The following DSCAM variants were observed in gnomAD, a reference collection of about 807,000 sequenced individuals.
DSCAM encodes the protein DS cell adhesion molecule, also known as cell adhesion molecule DSCAM.
In DSCAM, 47 loss-of-function variants were observed where a neutral mutation model predicts 217.7. The ratio of observed to expected loss-of-function variants is 0.22; its 90% CI spans 0.17 to 0.28. DSCAM has a LOEUF of 0.28. DSCAM is among the 10% of genes least tolerant of loss of function. The probability of loss-of-function intolerance (pLI) is 1.00; values close to 1 mark genes in which losing one functional copy is unlikely to be tolerated. For synonymous variants in DSCAM, 1,056 were observed against 1,015.3 expected (o/e 1.04, Z -0.76); for missense variants, 2,080 against 2,618.3 (o/e 0.79, Z 4.49).
At chr21:40,262,358 CAG>C (rs2146982159) in intron 11 of DSCAM, among the ~76,000 whole-genome samples, 1 of 150,872 alleles carries the variant, frequency 6.6e-6, no homozygotes, top group Admixed American at 6.6e-5. Context: ...AAAGCCTCTG[CAG>C]AGAGTCCTCA....
At chr21:40,250,448 T>C (rs1453260670) in intron 11 of DSCAM, among the ~76,000 whole-genome samples, 1 of 152,238 alleles carries the variant, frequency 6.6e-6, no homozygotes, top group Non-Finnish European at 1.5e-5. Context: ...TTTAGCTTGA[T>C]GCATCTTCTG....
intron 3 of DSCAM, among the ~76,000 whole-genome samples, chr21:40,423,595 C>A (rs2075445236): frequency 6.6e-6 from 1 of 152,162 alleles, no homozygotes; most frequent in South Asian, 2.1e-4. Flanking sequence ...GTGTACTTCC[C>A]TTTCTTTCCT....
chr21:40,090,048 C>T (rs1195417977), intron 21 of DSCAM, among the ~76,000 whole-genome samples: 1 of 152,136 alleles, frequency 6.6e-6, no homozygotes. Context: ...TTCTGGGCTT[C>T]CCTCCACTAT....
At chr21:40,217,029 C>G (rs560353173) in intron 11 of DSCAM, among the ~76,000 whole-genome samples, 55 of 152,340 alleles carry the variant, frequency 3.6e-4, no homozygotes, top group African/African-American at 1.3e-3. Flanking sequence ...ACAGATTTCT[C>G]TCCTCAAACT....
intron 11 of DSCAM, among the ~76,000 whole-genome samples, chr21:40,193,824 C>T (rs1235637131): frequency 1.3e-5 from 2 of 152,164 alleles, no homozygotes; most frequent in Non-Finnish European, 2.9e-5. Flanking sequence ...CCTCCCAAAT[C>T]CAGGGTAGTT....
intron 1 of DSCAM, among the ~76,000 whole-genome samples, chr21:40,743,875 G>A (rs2091149087): frequency 6.6e-6 from 1 of 152,104 alleles, no homozygotes; most frequent in Non-Finnish European, 1.5e-5. Context: ...TTATGAAGGA[G>A]AAACATGAGC....
At chr21:40,634,753 G>A (rs970166784) in intron 3 of DSCAM, among the ~76,000 whole-genome samples, 4 of 152,186 alleles carry the variant, frequency 2.6e-5, no homozygotes, top group Admixed American at 6.5e-5. Context: ...GCACAGGCAC[G>A]TGGTGATTTT....
At chr21:40,813,188 T>C (rs1016543664) in intron 1 of DSCAM, among the ~76,000 whole-genome samples, 3 of 152,166 alleles carry the variant, frequency 2.0e-5, no homozygotes, top group African/African-American at 4.8e-5. Context: ...ACGGCACAAA[T>C]GAAACACCAT....
chr21:40,067,863 C>T (rs578061145), intron 27 of DSCAM, among the ~76,000 whole-genome samples: 1 of 151,570 alleles, frequency 6.6e-6, no homozygotes, highest in African/African-American at 2.4e-5. Flanking sequence ...AAAGCAGATG[C>T]TGAGCAGCTC....
chr21:40,528,084 C>G (rs1272612425), intron 3 of DSCAM, among the ~76,000 whole-genome samples: 2 of 152,174 alleles, frequency 1.3e-5, no homozygotes, highest in Non-Finnish European at 1.5e-5. Context: ...TGCCCAAAAC[C>G]ATAGTATTTC....
chr21:40,050,723 C>T (rs1159432356), intron 30 of DSCAM, among the ~76,000 whole-genome samples: 3 of 152,120 alleles, frequency 2.0e-5, no homozygotes, highest in Admixed American at 6.5e-5. Flanking sequence ...CCTCGTGATC[C>T]GACCGCCTCG....
At chr21:40,025,964 A>G (rs1225439702) in intron 32 of DSCAM, among the ~76,000 whole-genome samples, 30 of 147,532 alleles carry the variant, frequency 2.0e-4, no homozygotes, top group African/African-American at 6.2e-4. Flanking sequence ...TTGTGATGTT[A>G]GGGTGTCAAT....
At chr21:40,026,526 T>C (rs1319292454) in intron 32 of DSCAM, among the ~76,000 whole-genome samples, 1 of 127,384 alleles carries the variant, frequency 7.9e-6, no homozygotes. Flanking sequence ...TGTAGGTCAC[T>C]CAGGACTTGC....
chr21:40,539,704 A>T (rs1361831930), intron 3 of DSCAM, among the ~76,000 whole-genome samples: 1 of 152,142 alleles, frequency 6.6e-6, no homozygotes, highest in Non-Finnish European at 1.5e-5. Context: ...TCTGTTTCTT[A>T]TAAGATGAGA....
At position 40,075,154 on chromosome 21, in the gene DSCAM, C is replaced by T. The variant is rs556682802; in HGVS notation, c.4771G>A (p.Glu1591Lys). Reference protein sequence around the residue: ...VQNEEGLTTNEGLKMLVTISC... With the variant: ...VQNEEGLTTNKGLKMLVTISC... Reference sequence around the variant, plus strand: ...ATGGTCACCAGCATCTTGAGCCCCTCGTTGGTCGTCAGCCCTTCTTCGTTT... The same window carrying T: ...ATGGTCACCAGCATCTTGAGCCCCTTGTTGGTCGTCAGCCCTTCTTCGTTT... Residue 1591 changes from glutamate (E) to lysine (K), a missense_variant, in exon 27 of 33, where the codon GAG becomes AAG. Coordinates refer to ENST00000400454, the MANE Select transcript of DSCAM (RefSeq NM_001389.5). The T allele has an allele frequency of 3.7e-6, 6 of 1,614,216 alleles. No homozygotes were observed. The highest frequency in any genetic ancestry group is 1.1e-5 in the South Asian group (1 of 91,088).
intron 20 of DSCAM, among the ~76,000 whole-genome samples, chr21:40,096,947 C>G: frequency 6.6e-6 from 1 of 151,868 alleles, no homozygotes. Flanking sequence ...AAATATAATT[C>G]AAAATGAAAG....
chr21:40,844,518 T>C (rs534242330), intron 1 of DSCAM, among the ~76,000 whole-genome samples: 68 of 152,374 alleles, frequency 4.5e-4, no homozygotes, highest in African/African-American at 1.6e-3. Context: ...TCTACCTATA[T>C]TTATTACAAT....
intron 29 of DSCAM, among the ~76,000 whole-genome samples, chr21:40,055,260 A>T (rs1469974161): frequency 6.6e-6 from 1 of 152,138 alleles, no homozygotes; most frequent in Non-Finnish European, 1.5e-5. Flanking sequence ...GTACAAAGAC[A>T]TGTGTTTGTT....
chr21:40,684,737 G>A (rs1024959167), intron 3 of DSCAM, among the ~76,000 whole-genome samples: 9 of 152,126 alleles, frequency 5.9e-5, no homozygotes, highest in East Asian at 1.9e-4. Flanking sequence ...TTAGCTTGTC[G>A]ATAATAATAA....
Sources: gnomAD v4.1 joint callset for allele counts (sites outside exome capture counted in the v4.1 genomes callset) on GRCh38, gnomAD v4.1.1 for gene constraint, MANE v1.5 for transcripts, NCBI Gene and HGNC (gene_info 2026-07-23, HGNC 2026-07-21) for gene names.